The following LRRC4C variants were observed in gnomAD, a reference collection of about 807,000 sequenced individuals.
LRRC4C encodes leucine rich repeat containing 4C.
LRRC4C carries 5 observed loss-of-function variants against 33.6 expected under a neutral mutation model. That is an observed-to-expected ratio of 0.15 (90% confidence interval 0.08 to 0.31). The LOEUF (loss-of-function observed/expected upper bound fraction) is 0.31, where lower values mean the gene tolerates loss of function less well. Ranked by LOEUF, LRRC4C falls within the 10% of genes least tolerant of loss-of-function variation. The probability of loss-of-function intolerance (pLI) is 1.00; values close to 1 mark genes in which losing one functional copy is unlikely to be tolerated. For synonymous variants in LRRC4C, 329 were observed against 302.0 expected (o/e 1.09, Z -0.93); for missense variants, 560 against 796.7 (o/e 0.70, Z 3.58).
In LRRC4C at chr11:41,126,343, C is replaced by T. The variant is rs74827538; in HGVS notation, c.-495-192620G>A. Among the ~76,000 whole-genome samples the T allele has an allele frequency of 4.2e-3, 636 of 151,704 alleles. 2 individuals are homozygous for T. The highest frequency in any genetic ancestry group is 0.014 in the African/African-American group (596 of 41,346). On this transcript the variant is annotated intron_variant, in intron 1 of 6. Transcript: ENST00000528697. ...GACCTAAGTAAGATTTAAGGTGGTA[C>T]CTAGTAAAACCTTTTTGTAGTTCAC...
intron 3 of LRRC4C, among the ~76,000 whole-genome samples, chr11:40,536,877 A>ATCCAGCATACC (rs1956497543): frequency 6.6e-6 from 1 of 152,076 alleles, no homozygotes; most frequent in African/African-American, 2.4e-5. Context: ...TGTCATCATC[A>ATCCAGCATACC]TCCAGCATAC....
At chr11:41,309,424 C>T (rs956819921) in intron 1 of LRRC4C, among the ~76,000 whole-genome samples, 1 of 152,126 alleles carries the variant, frequency 6.6e-6, no homozygotes, top group Non-Finnish European at 1.5e-5. Context: ...GAAGACACTT[C>T]CTGAGTACTT....
intron 1 of LRRC4C, among the ~76,000 whole-genome samples, chr11:41,443,236 A>C (rs1184643207): frequency 6.6e-6 from 1 of 152,094 alleles, no homozygotes; most frequent in Non-Finnish European, 1.5e-5. Context: ...GTACAGGCAC[A>C]GTGGCTCACA....
At chr11:41,151,443 G>A (rs1235292536) in intron 1 of LRRC4C, among the ~76,000 whole-genome samples, 3 of 152,192 alleles carry the variant, frequency 2.0e-5, no homozygotes, top group Non-Finnish European at 4.4e-5. Context: ...ATGTGGGGAA[G>A]GGAATAGAAT....
At chr11:41,316,422 A>G (rs1247054202) in intron 1 of LRRC4C, among the ~76,000 whole-genome samples, 1 of 152,138 alleles carries the variant, frequency 6.6e-6, no homozygotes, top group East Asian at 1.9e-4. Context: ...TACAATCCTC[A>G]TTGACTAAAG....
rs1289440823 is a variant in LRRC4C, at chr11:40,496,895, T to C, written c.-270+151247A>G. 2.6e-5 allele frequency among the ~76,000 whole-genome samples: 4 copies of C among 152,204 alleles called. No homozygotes were observed. In the East Asian group the frequency reaches 7.7e-4, roughly 29 times the overall value. On this transcript the variant is annotated intron_variant, in intron 3 of 6. Coordinates refer to ENST00000528697, the MANE Select transcript of LRRC4C (RefSeq NM_001258419.2). ...TTCAGTTTCCTAACCAATTTCAGGA[T>C]AATTTATATGAATGCTATGGAAAGT...
At chr11:40,608,169 G>T (rs1053407301) in intron 3 of LRRC4C, among the ~76,000 whole-genome samples, 1 of 151,960 alleles carries the variant, frequency 6.6e-6, no homozygotes, top group Non-Finnish European at 1.5e-5. Context: ...AAAAATAAAA[G>T]AATACACATT....
intron 5 of LRRC4C, among the ~76,000 whole-genome samples, chr11:40,232,424 C>T (rs1196271829): frequency 1.3e-5 from 2 of 152,156 alleles, no homozygotes; most frequent in African/African-American, 4.8e-5. Context: ...TGCATCAAGG[C>T]GTATGAAATA....
intron 1 of LRRC4C, among the ~76,000 whole-genome samples, chr11:41,340,682 A>G (rs1401225702): frequency 6.6e-6 from 1 of 152,154 alleles, no homozygotes; most frequent in Non-Finnish European, 1.5e-5. Flanking sequence ...AAAGTTACTT[A>G]GAGTCTATTT....
At chr11:40,441,544 C>T (rs1171879039) in intron 3 of LRRC4C, among the ~76,000 whole-genome samples, 1 of 152,118 alleles carries the variant, frequency 6.6e-6, no homozygotes, top group East Asian at 1.9e-4. Context: ...AGAGCCTTGG[C>T]TAATTTAGAA....
chr11:40,836,469 C>T lies in LRRC4C; in HGVS notation c.-407+97166G>A, dbSNP rs1200661841. On this transcript the variant is annotated intron_variant, in intron 2 of 6. Transcript: ENST00000528697. Reference sequence around the variant, plus strand: ...ATAGAAAGAAAGTTATAGAATTGATCTTATGCACTCTTTAGGGGGCATCAA... The same window carrying T: ...ATAGAAAGAAAGTTATAGAATTGATTTTATGCACTCTTTAGGGGGCATCAA... 2.0e-5 allele frequency among the ~76,000 whole-genome samples: 3 copies of T among 152,116 alleles called. No homozygotes were observed. In the East Asian group the frequency reaches 5.8e-4, roughly 29 times the overall value.
At chr11:41,020,639 C>T (rs909076490) in intron 1 of LRRC4C, among the ~76,000 whole-genome samples, 1 of 152,118 alleles carries the variant, frequency 6.6e-6, no homozygotes, top group Non-Finnish European at 1.5e-5. Context: ...CCGCCAACAC[C>T]GTAATTTCCA....
intron 1 of LRRC4C, among the ~76,000 whole-genome samples, chr11:41,402,957 T>TG (rs1267479394): frequency 1.3e-5 from 2 of 152,090 alleles, no homozygotes; most frequent in Non-Finnish European, 1.5e-5. Context: ...AGCTAATACA[T>TG]GTTCACGCCG....
At chr11:40,950,714 G>A (rs796069428) in intron 1 of LRRC4C, among the ~76,000 whole-genome samples, 1 of 151,858 alleles carries the variant, frequency 6.6e-6, no homozygotes, top group African/African-American at 2.4e-5. Context: ...TGTCTTAATT[G>A]TTCCCCATAC....
chr11:40,500,327 CACACACAT>C (rs1565450338), intron 3 of LRRC4C, among the ~76,000 whole-genome samples: 4 of 142,530 alleles, frequency 2.8e-5, no homozygotes, highest in Non-Finnish European at 6.0e-5. Context: ...CACACACACA[CACACACAT>C]TATATATATA....
intron 3 of LRRC4C, among the ~76,000 whole-genome samples, chr11:40,593,063 C>T (rs1471026654): frequency 6.6e-6 from 1 of 152,124 alleles, no homozygotes; most frequent in Non-Finnish European, 1.5e-5. Context: ...TCTCAACTGG[C>T]AACTAGGCAA....
intron 1 of LRRC4C, among the ~76,000 whole-genome samples, chr11:40,967,814 T>A (rs1257531474): frequency 6.6e-6 from 1 of 151,460 alleles, no homozygotes; most frequent in Non-Finnish European, 1.5e-5. Flanking sequence ...ATATTTTTGA[T>A]ATTAAAATAT....
At chr11:40,210,744 G>A (rs1863537964) in intron 5 of LRRC4C, among the ~76,000 whole-genome samples, 2 of 152,086 alleles carry the variant, frequency 1.3e-5, no homozygotes, top group Non-Finnish European at 2.9e-5. Context: ...CACTCGGAAT[G>A]TCTACCTTAA....
At chr11:40,825,945 G>A (rs374905075) in intron 2 of LRRC4C, among the ~76,000 whole-genome samples, 1 of 50,854 alleles carries the variant, frequency 2.0e-5, no homozygotes, top group African/African-American at 5.0e-5. Flanking sequence ...TATTCTGGGG[G>A]GGGGGCGTCT....
Sources: gnomAD v4.1 joint callset for allele counts (sites outside exome capture counted in the v4.1 genomes callset) on GRCh38, gnomAD v4.1.1 for gene constraint, MANE v1.5 for transcripts, NCBI Gene and HGNC (gene_info 2026-07-23, HGNC 2026-07-21) for gene names.